The following CCR5AS variants were observed in gnomAD, a reference collection of about 807,000 sequenced individuals.
CCR5AS encodes CCR5 antisense RNA.
At chr3:46,406,226 A>G (rs1702045513) in intron 1 of CCR5AS, among the ~76,000 whole-genome samples, 1 of 152,116 alleles carries the variant, frequency 6.6e-6, no homozygotes. Context: ...TTTGTATTCA[A>G]TCCTACCTCA....
chr3:46,373,841 A>T (rs1163625300), intron 2 of CCR5AS: 2 of 1,614,094 alleles, frequency 1.2e-6, no homozygotes, highest in Admixed American at 3.3e-5. Context: ...TCTTCTTCCA[A>T]AAGCACATTG....
chr3:46,368,615 T>G (rs1701624009), intron 3 of CCR5AS, among the ~76,000 whole-genome samples: 1 of 152,180 alleles, frequency 6.6e-6, no homozygotes, highest in Non-Finnish European at 1.5e-5. Flanking sequence ...TAGCCTATAT[T>G]TTTCAAACTA....
At chr3:46,373,112 C>CA (rs1701688813) in intron 2 of CCR5AS, 2 of 1,614,200 alleles carry the variant, frequency 1.2e-6, no homozygotes, top group East Asian at 4.5e-5. Flanking sequence ...TCTACCTGCT[C>CA]AACCTGGCCA....
At chr3:46,398,581 T>G (rs17782636) in intron 1 of CCR5AS, among the ~76,000 whole-genome samples, 10,432 of 152,316 alleles carry the variant, frequency 0.068, 535 homozygotes, top group South Asian at 0.2. Context: ...TCTTACTCTT[T>G]TGGAATTTGT....
intron 2 of CCR5AS, chr3:46,374,126 A>C (rs1470522583): frequency 6.6e-6 from 3 of 456,688 alleles, no homozygotes; most frequent in African/African-American, 6.0e-5. Context: ...TTTAAAGTAG[A>C]TTAGATCTTT....
intron 2 of CCR5AS, chr3:46,372,940 A>G (rs1701683755): frequency 1.2e-6 from 2 of 1,606,808 alleles, no homozygotes; most frequent in African/African-American, 1.3e-5. Context: ...TATGACATCA[A>G]TTATTATACA....
intron 3 of CCR5AS, among the ~76,000 whole-genome samples, chr3:46,369,512 C>G (rs898358695): frequency 6.6e-6 from 1 of 152,180 alleles, no homozygotes; most frequent in Admixed American, 6.5e-5. Flanking sequence ...TCATTTCTTT[C>G]TATTCTCCAA....
chr3:46,398,455 T>C (rs966419539), intron 1 of CCR5AS, among the ~76,000 whole-genome samples: 66 of 152,220 alleles, frequency 4.3e-4, no homozygotes, highest in Non-Finnish European at 8.7e-4. Flanking sequence ...CGCACTAGTA[T>C]AACCCTTAAA....
intron 1 of CCR5AS, among the ~76,000 whole-genome samples, chr3:46,400,859 T>G (rs570558640): frequency 2.0e-5 from 3 of 152,180 alleles, no homozygotes; most frequent in Non-Finnish European, 4.4e-5. Context: ...AGCAGTCTCC[T>G]TTATATCTAG....
At chr3:46,369,572 T>G (rs1237395262) in intron 3 of CCR5AS, among the ~76,000 whole-genome samples, 1 of 152,206 alleles carries the variant, frequency 6.6e-6, no homozygotes, top group Non-Finnish European at 1.5e-5. Flanking sequence ...CTGAAACTAA[T>G]CTGCTATAGA....
In CCR5AS at chr3:46,373,764, A is replaced by G. The variant is rs150592242; in HGVS notation, n.392-2347T>C. The G allele has an allele frequency of 2.0e-4, 330 of 1,613,680 alleles. 1 individual carries two copies. The highest frequency in any genetic ancestry group is 6.6e-4 in the Middle Eastern group (4 of 6,060). On this transcript the variant is annotated intron_variant and non_coding_transcript_variant, in intron 2 of 3. Coordinates refer to ENST00000451485, the Ensembl canonical transcript of CCR5AS. ...GCAGGTGACAGAGACTCTTGGGATG[A>G]CGCACTGCTGCATCAACCCCATCAT...
At chr3:46,365,861 T>C (rs1238490920) in intron 3 of CCR5AS, among the ~76,000 whole-genome samples, 1 of 152,214 alleles carries the variant, frequency 6.6e-6, no homozygotes, top group Non-Finnish European at 1.5e-5. Context: ...CTCTTGATCC[T>C]TGCAGCCTCA....
chr3:46,378,788 G>A (rs746294122), intron 2 of CCR5AS, among the ~76,000 whole-genome samples: 9 of 152,112 alleles, frequency 5.9e-5, no homozygotes, highest in Non-Finnish European at 1.2e-4. Context: ...GCCTGTCGTG[G>A]AATGAAGGTT....
chr3:46,398,215 G>A (rs552678887), intron 1 of CCR5AS, among the ~76,000 whole-genome samples: 31 of 152,234 alleles, frequency 2.0e-4, no homozygotes, highest in East Asian at 5.8e-4. Flanking sequence ...ACCCAGGCGC[G>A]GAAAATTCAT....
intron 1 of CCR5AS, among the ~76,000 whole-genome samples, chr3:46,393,481 G>A (rs926003990): frequency 1.1e-3 from 135 of 118,836 alleles, no homozygotes; most frequent in Middle Eastern, 4.1e-3. Flanking sequence ...GAAAAGAAAA[G>A]AAAAGAAAAA....
chr3:46,394,523 C>A lies in CCR5AS; in HGVS notation n.164-1471G>T, dbSNP rs969698434. On this transcript the variant is annotated intron_variant and non_coding_transcript_variant, in intron 1 of 3. Transcript: ENST00000451485. The stretch of plus-strand genomic sequence containing the variant: ...TCCCAAATGCCCATCGTGAGTCCCA[C>A]CAGGGGCCAGAACACCACTCTCTCA... Among the ~76,000 whole-genome samples the A allele has an allele frequency of 2.0e-5, 3 of 152,158 alleles. 1 individual carries two copies. The highest frequency in any genetic ancestry group is 4.8e-5 in the African/African-American group (2 of 41,422).
chr3:46,386,891 G>A (rs1458375911), intron 2 of CCR5AS, among the ~76,000 whole-genome samples: 1 of 152,190 alleles, frequency 6.6e-6, no homozygotes, highest in Non-Finnish European at 1.5e-5. Flanking sequence ...GAGAGGCAGA[G>A]GGAAGGGAGA....
At chr3:46,391,992 C>T (rs963280967) in intron 2 of CCR5AS, among the ~76,000 whole-genome samples, 1 of 152,144 alleles carries the variant, frequency 6.6e-6, no homozygotes, top group Non-Finnish European at 1.5e-5. Context: ...TAAAGAATGC[C>T]TGGACGTCAG....
chr3:46,404,230 A>G (rs1702026423), intron 1 of CCR5AS, among the ~76,000 whole-genome samples: 1 of 151,764 alleles, frequency 6.6e-6, no homozygotes, highest in East Asian at 1.9e-4. Flanking sequence ...AGAAAGAATG[A>G]GACAATGATC....
Sources: gnomAD v4.1 joint callset for allele counts (sites outside exome capture counted in the v4.1 genomes callset) on GRCh38, gnomAD v4.1.1 for gene constraint, MANE v1.5 for transcripts, NCBI Gene and HGNC (gene_info 2026-07-23, HGNC 2026-07-21) for gene names.